The following KCTD10 variants were observed in gnomAD, a reference collection of about 807,000 sequenced individuals.
KCTD10 encodes BTB/POZ domain-containing adapter for CUL3-mediated RhoA degradation protein 3.
Under a neutral mutation model 34.6 loss-of-function variants are expected in KCTD10, and 13 were observed. That is an observed-to-expected ratio of 0.38 (90% CI 0.24 to 0.60). The LOEUF (loss-of-function observed/expected upper bound fraction) is 0.60, where lower values mean the gene tolerates loss of function less well. Among genes scored for constraint, KCTD10 ranks in the 20% least tolerant of loss-of-function variants. KCTD10 has a pLI of 0.66. For synonymous variants in KCTD10, 156 were observed against 168.8 expected, an observed-to-expected ratio of 0.92 and a Z score of 0.59; for missense variants, 256 against 420.3, an observed-to-expected ratio of 0.61 and a Z score of 3.42.
At chr12:109,453,500 T>C (rs1183690855) in intron 6 of KCTD10, among the ~76,000 whole-genome samples, 1 of 152,154 alleles carries the variant, frequency 6.6e-6, no homozygotes, top group East Asian at 1.9e-4. Flanking sequence ...GTCCTTTTCT[T>C]TATTTTCTTG....
chr12:109,448,784 G>A lies in KCTD10; in HGVS notation c.*2811C>T, dbSNP rs1872608688. ...GTTAATGACACACTTAACTGTTACA[G>A]TGACTTTGGGTAGGGCCCTAAAGAC... On this transcript the variant is annotated 3_prime_UTR_variant, in exon 7 of 7. Transcript: ENST00000228495. 1 of 152,240 alleles carries A rather than the reference G, an allele frequency of 6.6e-6. No individual in the cohort carries two copies. Among genetic ancestry groups the A allele is most frequent in the Non-Finnish European group, 1.5e-5 (1 of 68,054 alleles). The allele number at this position is 152,240 out of a possible 1,614,324, so 9.4% of individuals were successfully genotyped here.
Position 109,449,191 on chromosome 12 carries a change from G to C in KCTD10, c.*2404C>G, listed in dbSNP as rs1020847243. On this transcript the variant is annotated 3_prime_UTR_variant, in exon 7 of 7. Coordinates refer to ENST00000228495, the MANE Select transcript of KCTD10 (RefSeq NM_031954.5). Reference sequence around the variant, plus strand: ...CTAACATAAGAAAAATCAGTTCCTTGTATACTCAATAACAGAGCTTGGACC... The same window carrying C: ...CTAACATAAGAAAAATCAGTTCCTTCTATACTCAATAACAGAGCTTGGACC... 6.6e-6 allele frequency: 1 copy of C among 152,144 alleles called. No homozygotes were observed. The highest frequency in any genetic ancestry group is 2.4e-5 in the African/African-American group (1 of 41,430). 9.4% of individuals were successfully genotyped at this position (152,144 alleles called of 1,614,324 possible).
chr12:109,476,973 A>T (rs1874367068), intron 1 of KCTD10, among the ~76,000 whole-genome samples: 1 of 152,060 alleles, frequency 6.6e-6, no homozygotes, highest in East Asian at 1.9e-4. Context: ...ACTCACTTGG[A>T]GACACCCCTT....
Position 109,450,522 on chromosome 12 carries a change from C to T in KCTD10, c.*1073G>A. The T allele has an allele frequency of 2.5e-6, 1 of 397,316 alleles. No homozygotes were observed. Among genetic ancestry groups the T allele is most frequent in the Non-Finnish European group, 4.4e-6 (1 of 225,682 alleles). 24.6% of individuals were successfully genotyped at this position (397,316 alleles called of 1,614,324 possible). Reference sequence around the variant, plus strand: ...ACTGTGTAAAAATCAGAGGCAAAGACAAGGGGGTCTGTGTTTATAGCAGGG... The same window carrying T: ...ACTGTGTAAAAATCAGAGGCAAAGATAAGGGGGTCTGTGTTTATAGCAGGG... On this transcript the variant is annotated 3_prime_UTR_variant, in exon 7 of 7. Coordinates refer to ENST00000228495, the MANE Select transcript of KCTD10 (RefSeq NM_031954.5).
intron 2 of KCTD10, among the ~76,000 whole-genome samples, chr12:109,463,997 G>A (rs551409484): frequency 6.6e-6 from 1 of 152,298 alleles, no homozygotes; most frequent in East Asian, 1.9e-4. Context: ...GGGAGGAGAA[G>A]GCTGCTCTGG....
intron 1 of KCTD10, among the ~76,000 whole-genome samples, chr12:109,474,306 G>GA (rs1874040710): frequency 6.6e-6 from 1 of 152,168 alleles, no homozygotes. Context: ...TTGGTTACAT[G>GA]AAACAGAGAG....
At chr12:109,476,493 AC>A (rs1462866711) in intron 1 of KCTD10, among the ~76,000 whole-genome samples, 2 of 151,990 alleles carry the variant, frequency 1.3e-5, no homozygotes, top group African/African-American at 4.8e-5. Flanking sequence ...AAGCAGACAA[AC>A]CCCACAGCTG....
chr12:109,458,064 A>G lies in KCTD10; in HGVS notation c.402T>C (p.Tyr134=), dbSNP rs373694579. ...CQAALQNKDT[Y]EPFCKVPVIT... Reference sequence around the variant, plus strand: ...TCACAGGGACCTTGCAGAAAGGCTCATAAGTATCTTTGTTCTGCTGGAACA... The same window carrying G: ...TCACAGGGACCTTGCAGAAAGGCTCGTAAGTATCTTTGTTCTGCTGGAACA... Residue 134 remains tyrosine, a synonymous_variant, in exon 4 of 7, where the codon TAT becomes TAC. Coordinates refer to ENST00000228495, the MANE Select transcript of KCTD10 (RefSeq NM_031954.5). 6 of 1,614,004 alleles carry G rather than the reference A, an allele frequency of 3.7e-6. No homozygotes were observed. Among genetic ancestry groups the G allele is most frequent in the African/African-American group, 1.3e-5 (1 of 75,058 alleles).
intron 2 of KCTD10, among the ~76,000 whole-genome samples, chr12:109,466,108 C>A (rs1386778664): frequency 4.6e-5 from 7 of 152,142 alleles, no homozygotes; most frequent in Non-Finnish European, 8.8e-5. Flanking sequence ...CTGGAAAGGG[C>A]ATGCTCACTG....
intron 2 of KCTD10, among the ~76,000 whole-genome samples, chr12:109,468,895 G>A (rs570664695): frequency 2.0e-5 from 3 of 151,952 alleles, no homozygotes; most frequent in Admixed American, 1.3e-4. Context: ...CTCGTGATCC[G>A]CCCGCCTCAG....
intron 2 of KCTD10, among the ~76,000 whole-genome samples, chr12:109,465,363 C>T (rs1368153739): frequency 1.3e-5 from 2 of 152,190 alleles, no homozygotes; most frequent in Non-Finnish European, 2.9e-5. Flanking sequence ...ACACCAACAG[C>T]GCCTTGTTTA....
At position 109,451,577 on chromosome 12, in the gene KCTD10, G is replaced by A. The variant is rs763282619; in HGVS notation, c.*18C>T. ...GAGTGGGGGCGGTGAGAGGAGGGCG[G>A]CTCGGTCTCTTGCCTGCTCACTGGT... On this transcript the variant is annotated 3_prime_UTR_variant, in exon 7 of 7. Transcript: ENST00000228495. This position sits in a 1 kb window ranked among gnomAD's most constrained non-coding sequence, Gnocchi z 5.0. 1.3e-6 allele frequency: 2 copies of A among 1,589,864 alleles called. No homozygotes were observed. The highest frequency in any genetic ancestry group is 2.2e-5 in the South Asian group (2 of 89,232).
At chr12:109,452,853 T>TTTTTTTTTTTTG (rs1872846777) in intron 6 of KCTD10, among the ~76,000 whole-genome samples, 1 of 151,430 alleles carries the variant, frequency 6.6e-6, no homozygotes, top group African/African-American at 2.4e-5. Flanking sequence ...TCCTTTTTTT[T>TTTTTTTTTTTTG]TAAAAGATAT....
chr12:109,473,415 C>T (rs541666376), intron 1 of KCTD10, among the ~76,000 whole-genome samples: 50 of 152,282 alleles, frequency 3.3e-4, no homozygotes, highest in African/African-American at 9.4e-4. Context: ...TCTGAGTAAA[C>T]ACTCCAAACA....
At chr12:109,462,308 C>G (rs992651425) in intron 2 of KCTD10, among the ~76,000 whole-genome samples, 1 of 152,200 alleles carries the variant, frequency 6.6e-6, no homozygotes, top group Non-Finnish European at 1.5e-5. Context: ...GTTAAAAGAA[C>G]GGTCTCCACC....
chr12:109,473,490 T>C (rs1393855176), intron 1 of KCTD10, among the ~76,000 whole-genome samples: 1 of 152,100 alleles, frequency 6.6e-6, no homozygotes, highest in Admixed American at 6.5e-5. Flanking sequence ...GGAAACTGTT[T>C]CCAGCTCTAA....
At chr12:109,466,251 C>T (rs1873580967) in intron 2 of KCTD10, among the ~76,000 whole-genome samples, 1 of 152,192 alleles carries the variant, frequency 6.6e-6, no homozygotes, top group Non-Finnish European at 1.5e-5. Context: ...TGTAGCCCCT[C>T]AGCAACACTC....
chr12:109,460,865 G>A lies in KCTD10; in HGVS notation c.218-60C>T. 1 of 1,551,360 alleles carries A rather than the reference G, an allele frequency of 6.4e-7. No individual in the cohort carries two copies. Among genetic ancestry groups the A allele is most frequent in the Non-Finnish European group, 8.8e-7 (1 of 1,130,846 alleles). ...GCCCTCCTCTTGTGGGAGGCCCTGA[G>A]CAGAGCTGGGGTGTCTCTCGGCTCC... On this transcript the variant is annotated intron_variant, in intron 2 of 6. Transcript: ENST00000228495. This position sits in a 1 kb window ranked among gnomAD's most constrained non-coding sequence, Gnocchi z 4.5.
At chr12:109,458,475 T>C in intron 3 of KCTD10, 1 of 157,878 alleles carries the variant, frequency 6.3e-6, no homozygotes, top group Non-Finnish European at 1.4e-5. Flanking sequence ...ATGGGAGAAG[T>C]GAGGTCAGCA....
Sources: allele counts gnomAD v4.1 joint callset (sites outside exome capture counted in the v4.1 genomes callset), GRCh38; gene constraint gnomAD v4.1.1; non-coding constraint Gnocchi (gnomAD v3.1); transcripts MANE v1.5; gene names NCBI Gene and HGNC (gene_info 2026-07-23, HGNC 2026-07-21).